PIK3R1: variants seen among roughly 807,000 people sequenced by gnomAD.
The protein encoded by PIK3R1 is phosphoinositide-3-kinase regulatory subunit 1, also known as phosphatidylinositol 3-kinase regulatory subunit alpha.
PIK3R1 carries 29 observed loss-of-function variants against 98.0 expected under a neutral mutation model. The observed-to-expected ratio is 0.30, with a 90% confidence interval of 0.22 to 0.40. PIK3R1 has a LOEUF of 0.40. PIK3R1 is among the 10% of genes least tolerant of loss of function. PIK3R1 has a pLI of 1.00. For synonymous variants in PIK3R1, 282 were observed against 311.8 expected, an observed-to-expected ratio of 0.90 and a Z score of 1.01; for missense variants, 596 against 872.7, an observed-to-expected ratio of 0.68 and a Z score of 3.99.
At chr5:68,274,113 G>A in intron 4 of PIK3R1, 100 bp downstream of exon 4, 1 of 913,480 alleles carries the variant, frequency 1.1e-6, no homozygotes, top group Non-Finnish European at 1.8e-6. Flanking sequence ...TCTATGCAGT[G>A]TTCTAAATTT....
intron 14 of PIK3R1, chr5:68,295,772 A>G: frequency 4.0e-6 from 2 of 501,754 alleles, no homozygotes; most frequent in South Asian, 2.6e-5. Flanking sequence ...TGGAACAGTC[A>G]GAGAAAAAAT....
intron 2 of PIK3R1, among the ~76,000 whole-genome samples, chr5:68,237,397 T>G (rs1744702739): frequency 6.6e-6 from 1 of 152,188 alleles, no homozygotes; most frequent in South Asian, 2.1e-4. Flanking sequence ...TTATAACATT[T>G]GTGTTTCTGT....
chr5:68,226,964 G>A lies in PIK3R1; in HGVS notation c.289G>A (p.Val97Ile), dbSNP rs370324792. 1 of 1,613,478 alleles carries A rather than the reference G, an allele frequency of 6.2e-7. No individual in the cohort carries two copies. Among genetic ancestry groups the A allele is most frequent in the South Asian group, 1.1e-5 (1 of 91,054 alleles). ...GCCCCGGCCACCTCGGCCTCTTCCT[G>A]TTGCACCAGGTTCTTCGAAAACTGA... is the stretch of plus-strand genomic sequence containing the variant. ...PKPRPPRPLP[V>I]APGSSKTEAD... Residue 97 changes from valine to isoleucine, a missense_variant, in exon 2 of 16, where the codon GTT (valine) becomes ATT (isoleucine). Around this residue, in one of 3 missense-constraint regions of PIK3R1, gnomAD observed 352 missense variants for 393.3 expected, o/e 0.90. Transcript: ENST00000521381.
chr5:68,288,552 C>G, intron 7 of PIK3R1: 2 of 1,497,994 alleles, frequency 1.3e-6, no homozygotes, highest in East Asian at 2.3e-5. Context: ...CCACTGTGCA[C>G]GCCCGGAGGG....
intron 2 of PIK3R1, among the ~76,000 whole-genome samples, chr5:68,238,743 A>G (rs1408763412): frequency 6.6e-6 from 1 of 152,172 alleles, no homozygotes; most frequent in Non-Finnish European, 1.5e-5. Flanking sequence ...GGAGAATTAC[A>G]AGTGTTGATA....
intron 2 of PIK3R1, among the ~76,000 whole-genome samples, chr5:68,232,421 C>G (rs1744513495): frequency 6.6e-6 from 1 of 152,136 alleles, no homozygotes; most frequent in Admixed American, 6.5e-5. Context: ...GGTTCTTACC[C>G]TGAGCTGGCC....
chr5:68,225,713 C>T (rs574339245), intron 1 of PIK3R1, among the ~76,000 whole-genome samples: 1 of 152,290 alleles, frequency 6.6e-6, no homozygotes, highest in Admixed American at 6.5e-5. Context: ...TTCACCAAGC[C>T]CTTTCCGTGT....
At chr5:68,243,353 T>A (rs907901901) in intron 2 of PIK3R1, among the ~76,000 whole-genome samples, 1 of 152,224 alleles carries the variant, frequency 6.6e-6, no homozygotes, top group East Asian at 1.9e-4. Context: ...GTTTTGATGT[T>A]CTGTTTCCTG....
At position 68,279,649 on chromosome 5, in the gene PIK3R1, G is replaced by A; in HGVS notation, c.550G>A (p.Asp184Asn). 1 of 1,613,914 alleles carries A rather than the reference G, an allele frequency of 6.2e-7. No individual in the cohort carries two copies. The highest frequency in any genetic ancestry group is 8.5e-7 in the Non-Finnish European group (1 of 1,179,824). The change falls in exon 5 of 16, where the codon GAC (aspartate) becomes AAC (asparagine). Residue 184 changes from aspartate to asparagine, a missense_variant. Physicochemically the swap from Asp to Asn is conservative, Grantham distance 23. Around this residue, in one of 3 missense-constraint regions of PIK3R1, gnomAD observed 352 missense variants for 393.3 expected, o/e 0.90. Transcript: ENST00000521381. ...AATGATCGATGTGCACGTTTTGGCTGACGCTTTCAAACGCTATCTCCTGGA... is the reference window on the plus strand; with the variant it reads ...AATGATCGATGTGCACGTTTTGGCTAACGCTTTCAAACGCTATCTCCTGGA... ...LEMIDVHVLA[D>N]AFKRYLLDLP...
intron 2 of PIK3R1, among the ~76,000 whole-genome samples, chr5:68,238,346 T>C (rs985104620): frequency 6.6e-6 from 1 of 152,226 alleles, no homozygotes; most frequent in Non-Finnish European, 1.5e-5. Context: ...CCGAGCCTAC[T>C]GAACCATGTC....
chr5:68,290,675 G>C, intron 7 of PIK3R1: 1 of 1,569,184 alleles, frequency 6.4e-7, no homozygotes, highest in Non-Finnish European at 8.6e-7. Context: ...CCATTACAAA[G>C]AAAGCCGGAC....
chr5:68,274,026 G>A lies in PIK3R1; in HGVS notation c.502+13G>A. 6.2e-7 allele frequency: 1 copy of A among 1,605,798 alleles called. No individual in the cohort carries two copies. Among genetic ancestry groups the A allele is most frequent in the Non-Finnish European group, 8.5e-7 (1 of 1,172,510 alleles). On this transcript the variant is annotated intron_variant, in intron 4 of 15. Transcript: ENST00000521381. ...CTTCTTGATTGTGGTGAGTGTCACA[G>A]AGCTAGAAATGCAAATGGGAAAGAC...
chr5:68,292,416 C>A, intron 8 of PIK3R1, 55 bp downstream of exon 8: 1 of 1,493,032 alleles, frequency 6.7e-7, no homozygotes, highest in Non-Finnish European at 9.3e-7. Flanking sequence ...GAAAGAAAAG[C>A]ACCAGCTTGC....
intron 2 of PIK3R1, among the ~76,000 whole-genome samples, chr5:68,238,101 G>A (rs1181711641): frequency 3.9e-5 from 6 of 152,208 alleles, no homozygotes; most frequent in South Asian, 2.1e-4. Flanking sequence ...GTTCACTGAG[G>A]GTTTTGAGTA....
intron 2 of PIK3R1, among the ~76,000 whole-genome samples, chr5:68,262,261 T>G (rs927736518): frequency 9.9e-5 from 15 of 151,564 alleles, no homozygotes; most frequent in African/African-American, 3.6e-4. Context: ...TGACATAACT[T>G]TCTCCCTGCT....
At position 68,298,913 on chromosome 5, in the gene PIK3R1, G is replaced by A. The variant is rs903721119; in HGVS notation, c.*1312G>A. 3.4e-5 allele frequency: 8 copies of A among 233,350 alleles called. No homozygotes were observed. The highest frequency in any genetic ancestry group is 1.1e-4 in the Admixed American group (2 of 17,786). The allele number at this position is 233,350 out of a possible 1,614,324, so 14.5% of individuals were successfully genotyped here. On this transcript the variant is annotated 3_prime_UTR_variant, in exon 16 of 16. Transcript: ENST00000521381. ...GGATGTATCAAGTGGGGTGGTGGGA[G>A]GGGGAGGCAAGGTTATATGCACTTT...
chr5:68,262,542 A>ATGTC (rs1554047826), intron 2 of PIK3R1, among the ~76,000 whole-genome samples: 1 of 67,040 alleles, frequency 1.5e-5, no homozygotes, highest in African/African-American at 8.1e-5. Flanking sequence ...ATATAGATAC[A>ATGTC]TATCTAATGT....
chr5:68,272,806 C>T (rs1746416264), intron 2 of PIK3R1, among the ~76,000 whole-genome samples: 1 of 152,228 alleles, frequency 6.6e-6, no homozygotes, highest in Non-Finnish European at 1.5e-5. Context: ...ATCTGAGACT[C>T]AGCCCATACC....
chr5:68,219,016 G>A (rs1383132604), intron 1 of PIK3R1, among the ~76,000 whole-genome samples: 2 of 152,074 alleles, frequency 1.3e-5, no homozygotes, highest in Admixed American at 6.5e-5. Context: ...GCCAATACTT[G>A]TATGGAGTTA....
Sources: gnomAD v4.1 joint callset for allele counts (sites outside exome capture counted in the v4.1 genomes callset) on GRCh38, gnomAD v4.1.1 for gene constraint, gnomAD v4.1.1 regional missense constraint, MANE v1.5 for transcripts, NCBI Gene and HGNC (gene_info 2026-07-23, HGNC 2026-07-21) for gene names.